ADD1: variants seen among roughly 807,000 people sequenced by gnomAD.
ADD1 encodes the protein alpha-adducin.
Under a neutral mutation model 80.5 loss-of-function variants are expected in ADD1, and 24 were observed. The observed-to-expected ratio is 0.30, with a 90% CI of 0.22 to 0.42. ADD1 has a LOEUF of 0.42. Among genes scored for constraint, ADD1 ranks in the 10% least tolerant of loss-of-function variants. The probability of loss-of-function intolerance (pLI) is 1.00; values close to 1 mark genes in which losing one functional copy is unlikely to be tolerated. For synonymous variants in ADD1, 373 were observed against 393.8 expected (o/e 0.95, Z 0.63); for missense variants, 948 against 1,019.0 (o/e 0.93, Z 0.95).
rs568498895 is a variant in ADD1 at position 2,857,824 on chromosome 4, C to T, written c.-21+13800C>T. Among the ~76,000 whole-genome samples the T allele has an allele frequency of 1.1e-4, 16 of 152,196 alleles. No homozygotes were observed. The South Asian group carries it at 1.9e-3, about 18-fold the overall frequency. Reference sequence around the variant, plus strand: ...AACTGACTCCAGTATGGCCAGTATACGAGACTTTGGTAAAATCATTACTTT... The same window carrying T: ...AACTGACTCCAGTATGGCCAGTATATGAGACTTTGGTAAAATCATTACTTT... On this transcript the variant is annotated intron_variant, in intron 1 of 15. Coordinates refer to ENST00000683351, the MANE Select transcript of ADD1 (RefSeq NM_001354761.2).
chr4:2,924,578 A>G (rs997633023), intron 14 of ADD1, among the ~76,000 whole-genome samples: 3 of 152,166 alleles, frequency 2.0e-5, no homozygotes, highest in Non-Finnish European at 4.4e-5. Context: ...GGCCGTCGTC[A>G]TCCTGGGAGC....
chr4:2,904,449 G>A (rs960850684), intron 9 of ADD1, among the ~76,000 whole-genome samples: 2 of 152,182 alleles, frequency 1.3e-5, no homozygotes, highest in Non-Finnish European at 2.9e-5. Context: ...AGTCATCCAC[G>A]TGGTTGGTTT....
intron 1 of ADD1, among the ~76,000 whole-genome samples, chr4:2,864,905 T>C (rs1226275774): frequency 2.6e-5 from 4 of 152,212 alleles, no homozygotes; most frequent in Non-Finnish European, 5.9e-5. Context: ...ACTTGTTTTA[T>C]TTTTCAAATT....
At chr4:2,898,766 A>T in intron 8 of ADD1, 1 of 520,404 alleles carries the variant, frequency 1.9e-6, no homozygotes, top group Non-Finnish European at 3.4e-6. Flanking sequence ...TATGTCAGTC[A>T]CTACCATTTA....
At chr4:2,904,592 G>GT (rs1736727021) in intron 9 of ADD1, 172 bp from the exon 10 acceptor site, 1 of 644,314 alleles carries the variant, frequency 1.6e-6, no homozygotes, top group Non-Finnish European at 2.7e-6. Flanking sequence ...TTAGTACCTG[G>GT]TTTTTGGTGA....
intron 2 of ADD1, among the ~76,000 whole-genome samples, chr4:2,880,274 A>T (rs543641898): frequency 6.6e-6 from 1 of 152,088 alleles, no homozygotes; most frequent in South Asian, 2.1e-4. Context: ...ACAGCAATAC[A>T]TCTGTCTGTT....
chr4:2,876,065 C>CTT lies in ADD1; in HGVS notation c.150_151insTT (p.Met51LeufsTer2). 6.2e-7 allele frequency: 1 copy of CTT among 1,614,026 alleles called. No individual in the cohort carries two copies. Among genetic ancestry groups the CTT allele is most frequent in the Non-Finnish European group, 8.5e-7 (1 of 1,179,972 alleles). ...CACCAGACCTTCGCCAGGACTTCAA[C>CTT]ATGATGGAGCAAAAGAAGAGGGTGT... is the stretch of plus-strand genomic sequence containing the variant. On this transcript the variant is annotated frameshift_variant, in exon 2 of 16. Transcript: ENST00000683351. LOFTEE classifies it high-confidence loss of function.
chr4:2,880,081 A>G (rs916755029), intron 2 of ADD1, among the ~76,000 whole-genome samples: 11 of 152,134 alleles, frequency 7.2e-5, no homozygotes, highest in Non-Finnish European at 1.3e-4. Context: ...AAAGATGGCT[A>G]AATAATCACC....
chr4:2,877,122 C>CT (rs1170929121), intron 2 of ADD1, among the ~76,000 whole-genome samples: 2 of 152,020 alleles, frequency 1.3e-5, no homozygotes, highest in Admixed American at 6.6e-5. Context: ...TCATGGCCAA[C>CT]TGAGTGTTTT....
At chr4:2,885,777 T>TA (rs1491578378) in intron 4 of ADD1, among the ~76,000 whole-genome samples, 10 of 143,024 alleles carry the variant, frequency 7.0e-5, no homozygotes, top group African/African-American at 2.6e-4. Context: ...GCCTGGCTAA[T>TA]TTTTTTGTAT....
At chr4:2,871,853 C>T (rs1039546282) in intron 1 of ADD1, among the ~76,000 whole-genome samples, 2 of 152,186 alleles carry the variant, frequency 1.3e-5, no homozygotes, top group African/African-American at 2.4e-5. Flanking sequence ...CAAAATCTAG[C>T]TAGTGTTCAA....
chr4:2,892,788 GCGC>G (rs1382207249), intron 4 of ADD1, among the ~76,000 whole-genome samples: 1 of 151,196 alleles, frequency 6.6e-6, no homozygotes, highest in Non-Finnish European at 1.5e-5. Context: ...GAGCATGATT[GCGC>G]CACTGCATTA....
chr4:2,846,194 T>C (rs1451870641), intron 1 of ADD1, among the ~76,000 whole-genome samples: 1 of 152,244 alleles, frequency 6.6e-6, no homozygotes, highest in African/African-American at 2.4e-5. Context: ...ATGCTATCTA[T>C]ACAGTGTGAC....
Position 2,875,895 on chromosome 4 carries a change from G to C in ADD1, c.-20-1G>C. ...TAATTTCTTTTATTTTGATTCTGTAGGAACCTAGAAAGATTGTACAATGAA... is the reference window on the plus strand; with the variant it reads ...TAATTTCTTTTATTTTGATTCTGTACGAACCTAGAAAGATTGTACAATGAA... On this transcript the variant is annotated splice_acceptor_variant, in intron 1 of 15. Coordinates refer to ENST00000683351, the MANE Select transcript of ADD1 (RefSeq NM_001354761.2). LOFTEE classifies it low-confidence loss of function (5UTR_SPLICE). 6.4e-7 allele frequency: 1 copy of C among 1,561,614 alleles called. No homozygotes were observed. The highest frequency in any genetic ancestry group is 8.7e-7 in the Non-Finnish European group (1 of 1,155,790).
At chr4:2,915,922 G>A (rs1055071625) in intron 14 of ADD1, among the ~76,000 whole-genome samples, 7 of 152,108 alleles carry the variant, frequency 4.6e-5, no homozygotes, top group Non-Finnish European at 1.0e-4. Flanking sequence ...GAGTCTGCGC[G>A]CCATACTAAG....
At chr4:2,875,118 G>T (rs1022616632) in intron 1 of ADD1, among the ~76,000 whole-genome samples, 2 of 152,054 alleles carry the variant, frequency 1.3e-5, no homozygotes, top group African/African-American at 2.4e-5. Context: ...AGTCCCAGCT[G>T]CTTGGGAGGC....
chr4:2,882,036 G>A lies in ADD1; in HGVS notation c.334G>A (p.Gly112Arg), dbSNP rs1732441282. The A allele has an allele frequency of 5.6e-6, 9 of 1,609,288 alleles. No homozygotes were observed. Among genetic ancestry groups the A allele is most frequent in the Non-Finnish European group, 7.6e-6 (9 of 1,178,760 alleles). ...AAATGTCTACCCAGCAGCTCCGCAA[G>A]GAGGGATGGCTGCCTTAAACATGAG... Reference protein sequence around the residue: ...VPNVYPAAPQGGMAALNMSLG... With the variant: ...VPNVYPAAPQRGMAALNMSLG... The change falls in exon 3 of 16, where the codon GGA becomes AGA. Residue 112 changes from glycine (G) to arginine (R), a missense_variant. Gly to Arg is a moderately radical substitution (Grantham distance 125). Coordinates refer to ENST00000683351, the MANE Select transcript of ADD1 (RefSeq NM_001354761.2).
At chr4:2,874,359 C>T (rs2108884930) in intron 1 of ADD1, among the ~76,000 whole-genome samples, 1 of 152,314 alleles carries the variant, frequency 6.6e-6, no homozygotes, top group South Asian at 2.1e-4. Flanking sequence ...ATAATCCCAG[C>T]ACTTTGAGAG....
At chr4:2,912,460 C>G (rs1412199370) in intron 13 of ADD1, among the ~76,000 whole-genome samples, 1 of 152,188 alleles carries the variant, frequency 6.6e-6, no homozygotes, top group East Asian at 1.9e-4. Flanking sequence ...GAGAGCCCCG[C>G]TTGTCCTTTG....
Sources: allele counts gnomAD v4.1 joint callset (sites outside exome capture counted in the v4.1 genomes callset), GRCh38; gene constraint gnomAD v4.1.1; transcripts MANE v1.5; gene names NCBI Gene and HGNC (gene_info 2026-07-23, HGNC 2026-07-21).